The following PRR5L variants were observed in gnomAD, a reference collection of about 807,000 sequenced individuals.
The protein encoded by PRR5L is proline rich 5 like.
Under a neutral mutation model 36.4 loss-of-function variants are expected in PRR5L, and 21 were observed. That is an observed-to-expected ratio of 0.58 (90% confidence interval 0.41 to 0.83). The LOEUF (loss-of-function observed/expected upper bound fraction) is 0.83. Among genes scored for constraint, PRR5L ranks in the 40% least tolerant of loss-of-function variants. PRR5L has a pLI of 0.00. For missense variants in PRR5L, 381 were observed against 473.3 expected (o/e 0.80, Z 1.81); for synonymous variants, 188 against 197.0 (o/e 0.95, Z 0.38).
chr11:36,412,076 G>A (rs1198080074), intron 3 of PRR5L, among the ~76,000 whole-genome samples: 1 of 152,084 alleles, frequency 6.6e-6, no homozygotes, highest in Non-Finnish European at 1.5e-5. Flanking sequence ...CACATTCTAG[G>A]TGAGGAAACT....
At chr11:36,349,346 A>G (rs1216989193) in intron 1 of PRR5L, among the ~76,000 whole-genome samples, 1 of 106,588 alleles carries the variant, frequency 9.4e-6, no homozygotes, top group Non-Finnish European at 2.0e-5. Context: ...AACTAAATTA[A>G]AGTTAAAAAA....
chr11:36,408,036 G>T (rs946813400), intron 3 of PRR5L, among the ~76,000 whole-genome samples: 3 of 152,178 alleles, frequency 2.0e-5, no homozygotes, highest in Non-Finnish European at 4.4e-5. Flanking sequence ...AACTTTGAGA[G>T]GCCAAGGCAG....
chr11:36,398,498 C>G (rs987395631), intron 1 of PRR5L: 1 of 152,262 alleles, frequency 6.6e-6, no homozygotes, highest in Non-Finnish European at 1.5e-5. Context: ...TGGCTCTGCC[C>G]GGCAGTAGGA....
intron 1 of PRR5L, among the ~76,000 whole-genome samples, chr11:36,367,284 T>C (rs1857154162): frequency 6.6e-6 from 1 of 152,232 alleles, no homozygotes; most frequent in African/African-American, 2.4e-5. Context: ...AGATTATTTA[T>C]GTGGGGAAAC....
At chr11:36,335,162 T>C (rs540990991) in intron 1 of PRR5L, among the ~76,000 whole-genome samples, 8 of 152,160 alleles carry the variant, frequency 5.3e-5, no homozygotes, top group African/African-American at 1.2e-4. Flanking sequence ...TGATGGCTCA[T>C]TGTGGCCTCG....
intron 1 of PRR5L, among the ~76,000 whole-genome samples, chr11:36,326,768 G>A (rs1030455994): frequency 1.4e-5 from 2 of 140,854 alleles, no homozygotes; most frequent in African/African-American, 2.6e-5. Context: ...CTCTTGAAAT[G>A]ACTTTTTAAA....
chr11:36,358,244 A>T (rs892341739), intron 1 of PRR5L, among the ~76,000 whole-genome samples: 1 of 152,242 alleles, frequency 6.6e-6, no homozygotes, highest in Non-Finnish European at 1.5e-5. Context: ...GTAAAATGCT[A>T]TCAGCTATCT....
Position 36,377,698 on chromosome 11 carries a change from C to G in PRR5L, c.-125-23299C>G, listed in dbSNP as rs768051058. On this transcript the variant is annotated intron_variant, in intron 1 of 8. Transcript: ENST00000530639. This position sits in a 1 kb window ranked among gnomAD's most constrained non-coding sequence, Gnocchi z 5.1. ...CTCTTCCCCCGCGGTGCCGGGAGCC[C>G]GCGTTTTGTTTGTCAGCAGTTAGGC... 2.0e-5 allele frequency: 3 copies of G among 152,572 alleles called. No individual in the cohort carries two copies. The highest frequency in any genetic ancestry group is 6.5e-5 in the Admixed American group (1 of 15,300). 9.5% of individuals were successfully genotyped at this position (152,572 alleles called of 1,614,324 possible).
chr11:36,343,436 C>T (rs1856835313), intron 1 of PRR5L, among the ~76,000 whole-genome samples: 2 of 152,314 alleles, frequency 1.3e-5, no homozygotes, highest in Non-Finnish European at 2.9e-5. Flanking sequence ...GGTCTCACAA[C>T]CTTGCCTCTG....
intron 1 of PRR5L, among the ~76,000 whole-genome samples, chr11:36,374,103 T>TGCC (rs1857227462): frequency 3.7e-5 from 3 of 80,330 alleles, no homozygotes; most frequent in Admixed American, 1.2e-4. Context: ...CCTTCCTTCC[T>TGCC]TCCTCTCTCT....
chr11:36,412,144 G>T (rs1404442859), intron 3 of PRR5L, among the ~76,000 whole-genome samples: 1 of 152,086 alleles, frequency 6.6e-6, no homozygotes, highest in Admixed American at 6.5e-5. Flanking sequence ...CTACTAAGTG[G>T]CTGCCAGGAT....
intron 8 of PRR5L, among the ~76,000 whole-genome samples, chr11:36,456,983 T>C (rs1402445692): frequency 6.6e-6 from 1 of 152,228 alleles, no homozygotes; most frequent in Non-Finnish European, 1.5e-5. Context: ...GCAGCCCCCC[T>C]CTGGCTCCAG....
chr11:36,400,892 C>T, intron 1 of PRR5L, 105 bp from the exon 2 acceptor site: 2 of 867,810 alleles, frequency 2.3e-6, no homozygotes, highest in Non-Finnish European at 3.2e-6. Flanking sequence ...TTGCTGGGTC[C>T]CGCAGTTGTT....
rs1856848169 is a variant in PRR5L at position 36,344,769 on chromosome 11, A to C, written c.-126+48331A>C. Among the ~76,000 whole-genome samples the C allele has an allele frequency of 6.6e-6, 1 of 152,220 alleles. No individual in the cohort carries two copies. The highest frequency in any genetic ancestry group is 1.5e-5 in the Non-Finnish European group (1 of 68,032). ...ATAAATGAAAACCATGAGGATTCTGACTGAGAATGAACTGACCAGCCATCA... is the reference window on the plus strand; with the variant it reads ...ATAAATGAAAACCATGAGGATTCTGCCTGAGAATGAACTGACCAGCCATCA... On this transcript the variant is annotated intron_variant, in intron 1 of 8. Coordinates refer to ENST00000530639, the MANE Select transcript of PRR5L (RefSeq NM_001160167.2). The surrounding 1 kb of genome is among the most constrained non-coding windows in gnomAD (Gnocchi z 4.1).
At chr11:36,421,631 G>A (rs2133585411) in intron 4 of PRR5L, among the ~76,000 whole-genome samples, 1 of 152,034 alleles carries the variant, frequency 6.6e-6, no homozygotes, top group Non-Finnish European at 1.5e-5. Context: ...TCCCTACAAA[G>A]TTCCTGGAAC....
At chr11:36,413,410 C>A (rs60892952) in intron 3 of PRR5L, among the ~76,000 whole-genome samples, 1 of 152,046 alleles carries the variant, frequency 6.6e-6, no homozygotes, top group African/African-American at 2.4e-5. Flanking sequence ...GGCTTCTGGC[C>A]ATGCTGCGGT....
chr11:36,344,557 A>C lies in PRR5L; in HGVS notation c.-126+48119A>C, dbSNP rs1856846941. Among the ~76,000 whole-genome samples the C allele has an allele frequency of 6.6e-6, 1 of 152,166 alleles. No individual in the cohort carries two copies. The highest frequency in any genetic ancestry group is 2.4e-5 in the African/African-American group (1 of 41,440). On this transcript the variant is annotated intron_variant, in intron 1 of 8. Transcript: ENST00000530639. The surrounding 1 kb of genome is among the most constrained non-coding windows in gnomAD (Gnocchi z 4.1). The stretch of plus-strand genomic sequence containing the variant: ...AATAACAACAAAACGGCCATCTCTG[A>C]AGGTGATTTTTGTTTATATTTCTTA...
intron 4 of PRR5L, among the ~76,000 whole-genome samples, chr11:36,423,497 A>T (rs10501154): frequency 0.39 from 59,180 of 151,950 alleles, 11,701 homozygotes; most frequent in East Asian, 0.61. Context: ...TGGAGAGAAG[A>T]TCAAGAGTGG....
chr11:36,373,598 TAA>T (rs560773054), intron 1 of PRR5L, among the ~76,000 whole-genome samples: 26 of 136,348 alleles, frequency 1.9e-4, no homozygotes, highest in Admixed American at 2.2e-4. Flanking sequence ...GACTCTGTTT[TAA>T]AAAAAAAAAA....
Sources: allele counts gnomAD v4.1 joint callset (sites outside exome capture counted in the v4.1 genomes callset), GRCh38; gene constraint gnomAD v4.1.1; non-coding constraint Gnocchi (gnomAD v3.1); transcripts MANE v1.5; gene names NCBI Gene and HGNC (gene_info 2026-07-23, HGNC 2026-07-21).